The following ALKBH5 variants were observed in gnomAD, a reference collection of about 807,000 sequenced individuals.
ALKBH5 encodes the protein alkB homolog 5, RNA demethylase, also known as RNA demethylase ALKBH5.
In ALKBH5, 2 loss-of-function variants were observed where a neutral mutation model predicts 32.1. The observed-to-expected ratio is 0.06, with a 90% CI of 0.03 to 0.20. The LOEUF (loss-of-function observed/expected upper bound fraction) is 0.20. Ranked by LOEUF, ALKBH5 falls within the 10% of genes least tolerant of loss-of-function variation. The pLI, the probability that ALKBH5 is intolerant of heterozygous loss-of-function variation, is 1.00. For synonymous variants in ALKBH5, 300 were observed against 231.7 expected, an observed-to-expected ratio of 1.29 and a Z score of -2.68; for missense variants, 352 against 559.5, an observed-to-expected ratio of 0.63 and a Z score of 3.74.
intron 1 of ALKBH5, among the ~76,000 whole-genome samples, chr17:18,187,864 G>A (rs1463036615): frequency 6.6e-6 from 1 of 152,176 alleles, no homozygotes; most frequent in Non-Finnish European, 1.5e-5. Context: ...CTAGTAGTAG[G>A]CATCTTAGAC....
At chr17:18,206,596 GT>G (rs2047270127) in intron 2 of ALKBH5, 3 of 541,464 alleles carry the variant, frequency 5.5e-6, no homozygotes, top group Non-Finnish European at 9.9e-6. Flanking sequence ...AGACAGAAGT[GT>G]TCCCATTCCT....
chr17:18,193,734 C>A (rs116130293), intron 1 of ALKBH5, among the ~76,000 whole-genome samples: 58 of 152,240 alleles, frequency 3.8e-4, no homozygotes, highest in African/African-American at 1.4e-3. Flanking sequence ...AGGGGTCCTT[C>A]CCAGGCCTGC....
In ALKBH5 at chr17:18,208,390, G is replaced by T. The variant is rs1567678164; in HGVS notation, c.1179G>T (p.Arg393=). 1 of 1,612,654 alleles carries T rather than the reference G, an allele frequency of 6.2e-7. No individual in the cohort carries two copies. Among genetic ancestry groups the T allele is most frequent in the Admixed American group, 1.7e-5 (1 of 59,738 alleles). The part of the protein sequence containing the change: ...GSPARKVKMR[R]H ...CTGCCCGAAAGGTGAAGATGCGGCG[G>T]CACTGAGTCTACCCGCCGCCCTCCT... The change falls in exon 4 of 4, where the codon CGG becomes CGT. Residue 393 remains arginine, a synonymous_variant. Transcript: ENST00000399138.
At chr17:18,207,847 A>AG (rs2047278690) in intron 3 of ALKBH5, among the ~76,000 whole-genome samples, 1 of 152,004 alleles carries the variant, frequency 6.6e-6, no homozygotes, top group African/African-American at 2.4e-5. Flanking sequence ...TAAGTGGAGA[A>AG]GGGGGTGTTG....
intron 2 of ALKBH5, among the ~76,000 whole-genome samples, chr17:18,195,631 C>G (rs1227159051): frequency 1.3e-5 from 2 of 152,194 alleles, no homozygotes; most frequent in African/African-American, 2.4e-5. Flanking sequence ...CATAGCCTCA[C>G]AGACATTGGA....
chr17:18,201,509 G>A (rs911458396), intron 2 of ALKBH5, among the ~76,000 whole-genome samples: 21 of 152,108 alleles, frequency 1.4e-4, no homozygotes, highest in African/African-American at 4.6e-4. Flanking sequence ...TGTAATCCCA[G>A]CACTTTGGGA....
intron 1 of ALKBH5, among the ~76,000 whole-genome samples, chr17:18,187,415 G>A (rs2047145939): frequency 6.6e-6 from 1 of 152,166 alleles, no homozygotes; most frequent in Non-Finnish European, 1.5e-5. Flanking sequence ...TCTCAACAGT[G>A]CTATTGTTAT....
intron 2 of ALKBH5, among the ~76,000 whole-genome samples, chr17:18,199,180 G>C (rs1004791711): frequency 6.6e-6 from 1 of 152,220 alleles, no homozygotes; most frequent in Non-Finnish European, 1.5e-5. Context: ...CTACAGGCTA[G>C]TCGGCTCTTT....
At chr17:18,192,730 C>G (rs2047183864) in intron 1 of ALKBH5, among the ~76,000 whole-genome samples, 1 of 152,052 alleles carries the variant, frequency 6.6e-6, no homozygotes, top group Admixed American at 6.6e-5. Context: ...GGTAAGTGCT[C>G]AAAGTCAGTG....
At chr17:18,185,933 C>T (rs1007775906) in intron 1 of ALKBH5, among the ~76,000 whole-genome samples, 1 of 152,208 alleles carries the variant, frequency 6.6e-6, no homozygotes, top group African/African-American at 2.4e-5. Context: ...GTTTAGACCG[C>T]AGCTGTTCTC....
chr17:18,199,415 T>A (rs2047223281), intron 2 of ALKBH5, among the ~76,000 whole-genome samples: 1 of 151,870 alleles, frequency 6.6e-6, no homozygotes, highest in African/African-American at 2.4e-5. Context: ...GTGAGGGGAG[T>A]CTTCCAGTTT....
In ALKBH5 at chr17:18,184,369, C is replaced by T. The variant is rs1484988396; in HGVS notation, c.126C>T (p.Ala42=). Residue 42 remains alanine (A), a synonymous_variant, in exon 1 of 4, where the codon GCC becomes GCT. Coordinates refer to ENST00000399138, the MANE Select transcript of ALKBH5 (RefSeq NM_017758.4). ...CCGCAGCCGCCGTAGCCGCCGCAGC[C>T]GCAGCCGCCGCTGCCGCCGAACCTT... The part of the protein sequence containing the change: ...AAAAAAVAAA[A]AAAAAAEPYP... 2.0e-6 allele frequency: 3 copies of T among 1,517,176 alleles called. No individual in the cohort carries two copies. The highest frequency in any genetic ancestry group is 4.6e-5 in the Admixed American group (2 of 43,620). The allele number at this position is 1,517,176 out of a possible 1,614,324, so 94.0% of individuals were successfully genotyped here.
At chr17:18,188,044 G>A (rs998409448) in intron 1 of ALKBH5, among the ~76,000 whole-genome samples, 3 of 152,230 alleles carry the variant, frequency 2.0e-5, no homozygotes, top group African/African-American at 7.2e-5. Flanking sequence ...TCTTCTGGAA[G>A]TGCTTCAAAC....
chr17:18,198,508 C>G lies in ALKBH5; in HGVS notation c.851+3473C>G, dbSNP rs545536274. 1.2e-3 allele frequency among the ~76,000 whole-genome samples: 185 copies of G among 152,280 alleles called. 1 individual carries two copies. Among genetic ancestry groups the G allele is most frequent in the African/African-American group, 3.9e-3 (163 of 41,564 alleles). On this transcript the variant is annotated intron_variant, in intron 2 of 3. Coordinates refer to ENST00000399138, the MANE Select transcript of ALKBH5 (RefSeq NM_017758.4). ...AGTATGATGTGGCCTTGGAAGATACCTGGCTGGTTTGATGTCTTCTGGTGA... is the reference window on the plus strand; with the variant it reads ...AGTATGATGTGGCCTTGGAAGATACGTGGCTGGTTTGATGTCTTCTGGTGA...
chr17:18,184,179 C>G lies in ALKBH5; in HGVS notation c.-65C>G, dbSNP rs1484309261. 1 of 1,367,536 alleles carries G rather than the reference C, an allele frequency of 7.3e-7. No individual in the cohort carries two copies. Among genetic ancestry groups the G allele is most frequent in the Non-Finnish European group, 9.7e-7 (1 of 1,032,892 alleles). The allele number at this position is 1,367,536 out of a possible 1,614,324, so 84.7% of individuals were successfully genotyped here. A position where few individuals can be genotyped will look rare whatever the true frequency, so the allele number is the denominator to read the frequency against. On this transcript the variant is annotated 5_prime_UTR_variant, in exon 1 of 4. Coordinates refer to ENST00000399138, the MANE Select transcript of ALKBH5 (RefSeq NM_017758.4). ...CCCTCCGGGGGCCCCGGGGCGCGTC[C>G]CCTTAGAGCCATGCCCGGCTGCCCC...
intron 2 of ALKBH5, among the ~76,000 whole-genome samples, chr17:18,197,432 A>T (rs1454144962): frequency 6.6e-6 from 1 of 152,176 alleles, no homozygotes; most frequent in Non-Finnish European, 1.5e-5. Context: ...GCAGCCAGGG[A>T]TGGGTGGCCT....
intron 3 of ALKBH5, among the ~76,000 whole-genome samples, chr17:18,207,545 C>T (rs1446478626): frequency 1.3e-5 from 2 of 152,050 alleles, no homozygotes; most frequent in African/African-American, 4.8e-5. Flanking sequence ...TACCTGTAGT[C>T]CCAGCTCCTC....
At chr17:18,195,461 A>T (rs1326392634) in intron 2 of ALKBH5, among the ~76,000 whole-genome samples, 2 of 152,214 alleles carry the variant, frequency 1.3e-5, no homozygotes, top group Admixed American at 6.5e-5. Context: ...AGGAACAGGG[A>T]GTGAAGAGAG....
At chr17:18,185,918 C>T (rs1459368598) in intron 1 of ALKBH5, among the ~76,000 whole-genome samples, 1 of 152,168 alleles carries the variant, frequency 6.6e-6, no homozygotes, top group Non-Finnish European at 1.5e-5. Context: ...CCCAAAACAT[C>T]TTAGGTTTAG....
Sources: gnomAD v4.1 joint callset for allele counts (sites outside exome capture counted in the v4.1 genomes callset) on GRCh38, gnomAD v4.1.1 for gene constraint, MANE v1.5 for transcripts, NCBI Gene and HGNC (gene_info 2026-07-23, HGNC 2026-07-21) for gene names.